Variants in SLC9A9 observed in about 807,000 individuals in gnomAD.
SLC9A9 encodes the protein solute carrier family 9 member A9.
In SLC9A9, 62 loss-of-function variants were observed where a neutral mutation model predicts 77.8. The observed-to-expected ratio is 0.80, with a 90% CI of 0.65 to 0.98. The LOEUF (loss-of-function observed/expected upper bound fraction) is 0.98, where lower values mean the gene tolerates loss of function less well. Among genes scored for constraint, SLC9A9 ranks in the 50% least tolerant of loss-of-function variants. SLC9A9 has a pLI of 0.00. For missense variants in SLC9A9, 775 were observed against 774.9 expected (o/e 1.00, Z 0.00); for synonymous variants, 320 against 283.5 (o/e 1.13, Z -1.29).
chr3:143,352,594 T>TA (rs1270026179), intron 14 of SLC9A9, among the ~76,000 whole-genome samples: 2 of 152,200 alleles, frequency 1.3e-5, no homozygotes, highest in Admixed American at 1.3e-4. Context: ...GCTTTTTAGC[T>TA]AAAAAACATT....
At chr3:143,680,180 C>G (rs1340573352) in intron 5 of SLC9A9, among the ~76,000 whole-genome samples, 2 of 151,930 alleles carry the variant, frequency 1.3e-5, no homozygotes, top group East Asian at 3.9e-4. Context: ...TGAATCTATA[C>G]TTTTATGTCT....
chr3:143,287,101 TTGTGTGTG>T (rs3032423), intron 14 of SLC9A9, among the ~76,000 whole-genome samples: 4 of 149,150 alleles, frequency 2.7e-5, no homozygotes, highest in African/African-American at 4.9e-5. Flanking sequence ...CTGGTCCCAC[TTGTGTGTG>T]TGTGTGTGTG....
chr3:143,722,274 C>A (rs1203129843), intron 4 of SLC9A9, among the ~76,000 whole-genome samples: 9 of 151,918 alleles, frequency 5.9e-5, no homozygotes, highest in Admixed American at 5.9e-4. Flanking sequence ...GAGATCGAGA[C>A]CATCCTGGCT....
intron 12 of SLC9A9, among the ~76,000 whole-genome samples, chr3:143,455,145 A>C (rs1198309481): frequency 6.6e-6 from 1 of 152,214 alleles, no homozygotes; most frequent in Non-Finnish European, 1.5e-5. Context: ...ACAGATAGAC[A>C]CTTATTCTAA....
At chr3:143,407,136 A>G (rs1474004522) in intron 12 of SLC9A9, among the ~76,000 whole-genome samples, 1 of 152,194 alleles carries the variant, frequency 6.6e-6, no homozygotes, top group East Asian at 1.9e-4. Flanking sequence ...AACTGTCAAA[A>G]GGATAAAACA....
chr3:143,795,093 G>A lies in SLC9A9; in HGVS notation c.457-16C>T, dbSNP rs368051374. The A allele has an allele frequency of 2.5e-6, 4 of 1,602,910 alleles. No individual in the cohort carries two copies. In the African/African-American group the frequency reaches 5.4e-5, roughly 21 times the overall value. ...AAAAGTGTCTCTGGGGAGAAAAAAA[G>A]ATATTTAATAGAGTACATCAGAATT... On this transcript the variant is annotated splice_polypyrimidine_tract_variant and intron_variant, in intron 3 of 15. Coordinates refer to ENST00000316549, the MANE Select transcript of SLC9A9 (RefSeq NM_173653.4).
intron 9 of SLC9A9, among the ~76,000 whole-genome samples, chr3:143,496,996 T>C (rs912915933): frequency 2.0e-5 from 3 of 152,166 alleles, no homozygotes; most frequent in African/African-American, 4.8e-5. Context: ...CACTTTTGTG[T>C]TTCTTCTTAT....
chr3:143,699,907 A>G (rs1933748612), intron 4 of SLC9A9, among the ~76,000 whole-genome samples: 1 of 151,842 alleles, frequency 6.6e-6, no homozygotes, highest in African/African-American at 2.4e-5. Flanking sequence ...TGCACAGCTC[A>G]TGGATCCAAA....
At chr3:143,270,854 C>A (rs1937875954) in intron 14 of SLC9A9, among the ~76,000 whole-genome samples, 1 of 152,158 alleles carries the variant, frequency 6.6e-6, no homozygotes, top group Non-Finnish European at 1.5e-5. Context: ...CTCTTTAAAT[C>A]TATGCGTAGT....
intron 14 of SLC9A9, among the ~76,000 whole-genome samples, chr3:143,326,965 C>T (rs749708579): frequency 5.3e-5 from 8 of 152,268 alleles, no homozygotes; most frequent in East Asian, 3.9e-4. Flanking sequence ...TTTTCCTCAG[C>T]GGTAATGATC....
At chr3:143,582,555 T>C (rs1412914631) in intron 6 of SLC9A9, among the ~76,000 whole-genome samples, 1 of 152,186 alleles carries the variant, frequency 6.6e-6, no homozygotes, top group East Asian at 1.9e-4. Context: ...CTGAGGTTGC[T>C]GGGGCTGAAC....
chr3:143,583,560 C>T (rs2037491753), intron 6 of SLC9A9, among the ~76,000 whole-genome samples: 1 of 152,174 alleles, frequency 6.6e-6, no homozygotes, highest in Non-Finnish European at 1.5e-5. Context: ...CAGCTTACTG[C>T]CACTTACTGC....
At position 143,343,107 on chromosome 3, in the gene SLC9A9, A is replaced by G. The variant is rs79028777; in HGVS notation, c.1604+20377T>C. Among the ~76,000 whole-genome samples the G allele has an allele frequency of 6.7e-3, 1,026 of 152,340 alleles. 9 individuals carry two copies. Among genetic ancestry groups the G allele is most frequent in the African/African-American group, 0.023 (954 of 41,578 alleles). ...TTCTTTATTCACTGAAATGACTGAT[A>G]TGGGCAGTTTAGACACCCAGAGGAG... On this transcript the variant is annotated intron_variant, in intron 14 of 15. Coordinates refer to ENST00000316549, the MANE Select transcript of SLC9A9 (RefSeq NM_173653.4).
intron 4 of SLC9A9, among the ~76,000 whole-genome samples, chr3:143,773,364 A>G (rs1050515979): frequency 1.3e-5 from 2 of 152,212 alleles, no homozygotes; most frequent in African/African-American, 2.4e-5. Context: ...CACAACCTCA[A>G]GAGCATGATT....
intron 5 of SLC9A9, among the ~76,000 whole-genome samples, chr3:143,681,971 T>G (rs879531626): frequency 2.0e-5 from 3 of 152,166 alleles, no homozygotes; most frequent in Non-Finnish European, 2.9e-5. Flanking sequence ...CGTCCACAGA[T>G]TTCCACAACC....
intron 6 of SLC9A9, among the ~76,000 whole-genome samples, chr3:143,594,081 T>C (rs544864247): frequency 1.4e-3 from 217 of 152,294 alleles, no homozygotes; most frequent in African/African-American, 5.0e-3. Flanking sequence ...CTTAAAATTC[T>C]GGATTTTAAA....
intron 12 of SLC9A9, among the ~76,000 whole-genome samples, chr3:143,429,799 G>A (rs540341869): frequency 5.9e-5 from 9 of 152,106 alleles, no homozygotes; most frequent in Non-Finnish European, 1.3e-4. Context: ...TCAATGCCAC[G>A]CATGACAGCA....
Position 143,781,251 on chromosome 3 carries a change from T to C in SLC9A9, c.533+13750A>G, listed in dbSNP as rs770625660. On this transcript the variant is annotated intron_variant, in intron 4 of 15. Coordinates refer to ENST00000316549, the MANE Select transcript of SLC9A9 (RefSeq NM_173653.4). ...TAACAAAATATTCTATAAGAGTCTA[T>C]TCTAGTAATAAAAATACCCATAAAA... Among the ~76,000 whole-genome samples, 88 of 152,290 alleles carry C rather than the reference T, an allele frequency of 5.8e-4. 1 individual carries two copies. Among genetic ancestry groups the C allele is most frequent in the Non-Finnish European group, 1.1e-3 (73 of 68,014 alleles).
intron 6 of SLC9A9, among the ~76,000 whole-genome samples, chr3:143,586,279 C>T (rs765683968): frequency 3.3e-5 from 5 of 152,226 alleles, no homozygotes; most frequent in Non-Finnish European, 7.3e-5. Flanking sequence ...CTTCTGTTTT[C>T]AGCCATGGTT....
Sources: gnomAD v4.1 joint callset for allele counts (sites outside exome capture counted in the v4.1 genomes callset) on GRCh38, gnomAD v4.1.1 for gene constraint, MANE v1.5 for transcripts, NCBI Gene and HGNC (gene_info 2026-07-23, HGNC 2026-07-21) for gene names.